The following PAK5 variants were observed in gnomAD, a reference collection of about 807,000 sequenced individuals.
The protein encoded by PAK5 is p21 (RAC1) activated kinase 5.
In PAK5, 16 loss-of-function variants were observed where a neutral mutation model predicts 65.9. The ratio of observed to expected loss-of-function variants is 0.24; its 90% CI spans 0.16 to 0.37. The LOEUF is 0.37. Ranked by LOEUF, PAK5 falls within the 10% of genes least tolerant of loss-of-function variation. The pLI is 1.00. For synonymous variants in PAK5, 371 were observed against 354.9 expected, an observed-to-expected ratio of 1.05 and a Z score of -0.51; for missense variants, 785 against 903.9, an observed-to-expected ratio of 0.87 and a Z score of 1.69.
chr20:9,551,520 G>C (rs943350109), intron 7 of PAK5, among the ~76,000 whole-genome samples: 1 of 152,166 alleles, frequency 6.6e-6, no homozygotes, highest in African/African-American at 2.4e-5. Context: ...GGAGGGTTGG[G>C]GGCTAGTGAG....
At chr20:9,797,234 GTTGT>G (rs1332719791) in intron 1 of PAK5, among the ~76,000 whole-genome samples, 3 of 151,870 alleles carry the variant, frequency 2.0e-5, no homozygotes, top group Non-Finnish European at 2.9e-5. Flanking sequence ...TTTTGATGGG[GTTGT>G]TTGTTTTTTT....
rs114515757 is a variant in PAK5, at chr20:9,660,307, T to C, written c.-11-15968A>G. 3.6e-3 allele frequency among the ~76,000 whole-genome samples: 415 copies of C among 116,228 alleles called. 3 individuals carry two copies. The highest frequency in any genetic ancestry group is 0.011 in the African/African-American group (403 of 36,336). 76.3% of individuals were successfully genotyped at this position (116,228 alleles called of 152,430 possible). The stretch of plus-strand genomic sequence containing the variant: ...AAGTGATTTGCATTCCAAGCAAAAA[T>C]CTGTGGTAGATTAAGATTATTTTAA... On this transcript the variant is annotated intron_variant, in intron 2 of 9. Coordinates refer to ENST00000353224, the MANE Select transcript of PAK5 (RefSeq NM_177990.4).
At chr20:9,782,011 G>A (rs2048945627) in intron 1 of PAK5, among the ~76,000 whole-genome samples, 1 of 152,078 alleles carries the variant, frequency 6.6e-6, no homozygotes, top group South Asian at 2.1e-4. Flanking sequence ...GTCCCTCAGA[G>A]TAAAATCTGT....
intron 1 of PAK5, among the ~76,000 whole-genome samples, chr20:9,771,121 C>G (rs1190156331): frequency 6.6e-6 from 1 of 152,162 alleles, no homozygotes; most frequent in Non-Finnish European, 1.5e-5. Flanking sequence ...TGTGGGAAAG[C>G]TCCTATAATT....
intron 3 of PAK5, among the ~76,000 whole-genome samples, chr20:9,635,464 A>T (rs922766318): frequency 6.6e-5 from 10 of 150,388 alleles, no homozygotes; most frequent in African/African-American, 1.7e-4. Context: ...CATATCCCCC[A>T]CCCCTCTCCC....
intron 1 of PAK5, among the ~76,000 whole-genome samples, chr20:9,817,040 G>A (rs1389898236): frequency 6.6e-6 from 1 of 152,126 alleles, no homozygotes; most frequent in Non-Finnish European, 1.5e-5. Flanking sequence ...CCAGCTACAA[G>A]GAAGGCTGAG....
intron 2 of PAK5, among the ~76,000 whole-genome samples, chr20:9,688,452 C>G (rs1335322175): frequency 6.6e-6 from 1 of 151,980 alleles, no homozygotes. Flanking sequence ...AGTTGATAAC[C>G]AACCCTGACT....
At chr20:9,787,655 GTA>G (rs1355483346) in intron 1 of PAK5, among the ~76,000 whole-genome samples, 2 of 143,774 alleles carry the variant, frequency 1.4e-5, no homozygotes, top group South Asian at 2.3e-4. Flanking sequence ...GTGTGTGTGT[GTA>G]TGTGTATACA....
chr20:9,792,857 G>T (rs138271711), intron 1 of PAK5, among the ~76,000 whole-genome samples: 2 of 152,244 alleles, frequency 1.3e-5, no homozygotes, highest in African/African-American at 4.8e-5. Context: ...TTCTAGGAAT[G>T]AAGCAAGGAT....
rs2045286779 is a variant in PAK5 at position 9,542,734 on chromosome 20, C to T, written c.1870-14G>A. The T allele has an allele frequency of 1.2e-6, 2 of 1,611,722 alleles. No homozygotes were observed. The highest frequency in any genetic ancestry group is 8.5e-7 in the Non-Finnish European group (1 of 1,178,464). Reference sequence around the variant, plus strand: ...CCAGATGTCCACCTGTTAGGCACACCCTACTGGTTATCTCAGGCAAGGAGA... The same window carrying T: ...CCAGATGTCCACCTGTTAGGCACACTCTACTGGTTATCTCAGGCAAGGAGA... On this transcript the variant is annotated splice_polypyrimidine_tract_variant and intron_variant, in intron 8 of 9. Coordinates refer to ENST00000353224, the MANE Select transcript of PAK5 (RefSeq NM_177990.4).
chr20:9,715,693 A>G (rs375110430), intron 1 of PAK5, among the ~76,000 whole-genome samples: 64 of 152,220 alleles, frequency 4.2e-4, no homozygotes, highest in Admixed American at 1.2e-3. Context: ...TGGCACATAT[A>G]CACCATGGAA....
intron 3 of PAK5, among the ~76,000 whole-genome samples, chr20:9,639,105 C>T (rs1157868908): frequency 1.3e-5 from 2 of 152,232 alleles, no homozygotes; most frequent in African/African-American, 2.4e-5. Flanking sequence ...ATTTCAAGGA[C>T]TTTTTTGACT....
intron 1 of PAK5, among the ~76,000 whole-genome samples, chr20:9,738,460 A>T (rs1201040490): frequency 1.3e-5 from 2 of 152,248 alleles, no homozygotes; most frequent in African/African-American, 4.8e-5. Context: ...TGCTATATTC[A>T]TACTATAGAG....
intron 1 of PAK5, among the ~76,000 whole-genome samples, chr20:9,809,848 A>G (rs193173769): frequency 8.3e-4 from 127 of 152,294 alleles, no homozygotes; most frequent in African/African-American, 2.8e-3. Flanking sequence ...GAATGGCTGC[A>G]AGGTCAGAAT....
In PAK5 at chr20:9,655,190, T is replaced by G. The variant is rs2047250891; in HGVS notation, c.-11-10851A>C. Among the ~76,000 whole-genome samples the G allele has an allele frequency of 4.6e-5, 7 of 152,196 alleles. No individual in the cohort carries two copies. In the South Asian group the frequency reaches 1.2e-3, roughly 27 times the overall value. On this transcript the variant is annotated intron_variant, in intron 2 of 9. Coordinates refer to ENST00000353224, the MANE Select transcript of PAK5 (RefSeq NM_177990.4). ...CTAAACTTTTTCTATGACTTCTCAT[T>G]GTCATTACACACAAATCCAAACCCC...
intron 2 of PAK5, among the ~76,000 whole-genome samples, chr20:9,691,064 AT>A (rs1352628694): frequency 6.6e-6 from 1 of 152,022 alleles, no homozygotes; most frequent in South Asian, 2.1e-4. Context: ...CTTCCTCAGC[AT>A]TTCTGTCTGT....
At chr20:9,550,377 C>T (rs1045561577) in intron 7 of PAK5, among the ~76,000 whole-genome samples, 10 of 152,050 alleles carry the variant, frequency 6.6e-5, no homozygotes, top group African/African-American at 2.4e-4. Context: ...GCAGGAGAGT[C>T]CAATGAAAGC....
intron 1 of PAK5, among the ~76,000 whole-genome samples, chr20:9,770,905 G>A (rs955443703): frequency 2.6e-5 from 4 of 152,120 alleles, no homozygotes; most frequent in African/African-American, 9.7e-5. Context: ...ATTGTTCATG[G>A]CTGCCATAGG....
At chr20:9,690,473 A>G (rs2047777879) in intron 2 of PAK5, among the ~76,000 whole-genome samples, 1 of 152,092 alleles carries the variant, frequency 6.6e-6, no homozygotes, top group African/African-American at 2.4e-5. Flanking sequence ...ATGGTAGGGA[A>G]GTAGGGAAAT....
Sources: gnomAD v4.1 joint callset for allele counts (sites outside exome capture counted in the v4.1 genomes callset) on GRCh38, gnomAD v4.1.1 for gene constraint, MANE v1.5 for transcripts, NCBI Gene and HGNC (gene_info 2026-07-23, HGNC 2026-07-21) for gene names.